HMCN2: variants seen among roughly 807,000 people sequenced by gnomAD.
The protein encoded by HMCN2 is hemicentin-2.
Under a neutral mutation model 377.5 loss-of-function variants are expected in HMCN2, and 325 were observed. The observed-to-expected ratio is 0.86, with a 90% confidence interval of 0.79 to 0.94. The LOEUF is 0.94. Ranked by LOEUF, HMCN2 falls within the 40% of genes least tolerant of loss-of-function variation. The probability of loss-of-function intolerance (pLI) is 0.00; values close to 1 mark genes in which losing one functional copy is unlikely to be tolerated. For synonymous variants in HMCN2, 2,007 were observed against 2,046.8 expected, an observed-to-expected ratio of 0.98 and a Z score of 0.53; for missense variants, 4,543 against 4,725.3, an observed-to-expected ratio of 0.96 and a Z score of 1.13.
chr9:130,306,695 C>T (rs1836878104), intron 12 of HMCN2, 116 bp from the exon 13 acceptor site: 1 of 387,172 alleles, frequency 2.6e-6, no homozygotes, highest in East Asian at 7.4e-5. Flanking sequence ...AGGCCTAGAG[C>T]AAGCCATCAG....
rs373254780 is a variant in HMCN2, at chr9:130,421,560, C to A, written c.13232-1017C>A. ...GCCTGCCGTGCCTGGGTTCCATTTC[C>A]TGTCCCCTTCCAAAGCTGCGCGGGT... On this transcript the variant is annotated intron_variant, in intron 86 of 97. Coordinates refer to ENST00000683500, the MANE Select transcript of HMCN2 (RefSeq NM_001291815.2). Among the ~76,000 whole-genome samples the A allele has an allele frequency of 3.0e-3, 462 of 152,282 alleles. 4 individuals carry two copies. The highest frequency in any genetic ancestry group is 0.011 in the African/African-American group (437 of 41,548).
At chr9:130,352,714 A>C (rs1588291008) in intron 30 of HMCN2, among the ~76,000 whole-genome samples, 8 of 144,622 alleles carry the variant, frequency 5.5e-5, no homozygotes, top group African/African-American at 1.0e-4. Flanking sequence ...CCCCGCCCCC[A>C]CCTCCTGCAC....
chr9:130,374,240 G>T, intron 48 of HMCN2, among the ~76,000 whole-genome samples: 1 of 152,126 alleles, frequency 6.6e-6, no homozygotes. Context: ...GTGGGTGGAT[G>T]AATGAATGGA....
intron 63 of HMCN2, 41 bp from the exon 64 acceptor site, chr9:130,391,163 C>T (rs763789871): frequency 8.7e-5 from 86 of 987,792 alleles, no homozygotes; most frequent in Non-Finnish European, 9.5e-5. Context: ...CCCATGGCAG[C>T]CCCTGCCATC....
intron 22 of HMCN2, among the ~76,000 whole-genome samples, chr9:130,336,587 C>T (rs1838758538): frequency 1.3e-5 from 2 of 152,180 alleles, no homozygotes; most frequent in Non-Finnish European, 2.9e-5. Flanking sequence ...CCAGGCAATC[C>T]AGCCCAGTGC....
rs953653841 is a variant in HMCN2 at position 130,361,680 on chromosome 9, C to A, written c.5951-328C>A. Among the ~76,000 whole-genome samples, 7 of 152,174 alleles carry A rather than the reference C, an allele frequency of 4.6e-5. No individual in the cohort carries two copies. Among genetic ancestry groups the A allele is most frequent in the African/African-American group, 1.7e-4 (7 of 41,430 alleles). ...TTAGGAAGTAGCACTGTCCAGGGAC[C>A]CTTGGTCCCCTCCCCATCCCCATAA... is the stretch of plus-strand genomic sequence containing the variant. On this transcript the variant is annotated intron_variant, in intron 38 of 97. Transcript: ENST00000683500. This position sits in a 1 kb window ranked among gnomAD's most constrained non-coding sequence, Gnocchi z 4.8.
At position 130,418,796 on chromosome 9, in the gene HMCN2, C is replaced by A; in HGVS notation, c.12986C>A (p.Pro4329His). The change falls in exon 86 of 98, where the codon CCC becomes CAC. Residue 4329 changes from proline to histidine, a missense_variant. Coordinates refer to ENST00000683500, the MANE Select transcript of HMCN2 (RefSeq NM_001291815.2). ...GGTGCTCCGGTGTTCCAGGTGGAGC[C>A]CCAGGACATGACAGTGAGATCTGGG... ...LQSAPVFQVE[P>H]QDMTVRSGDD... The A allele has an allele frequency of 6.8e-7, 1 of 1,467,842 alleles. No individual in the cohort carries two copies. The allele number at this position is 1,467,842 out of a possible 1,614,324, so 90.9% of individuals were successfully genotyped here. A position where few individuals can be genotyped will look rare whatever the true frequency, so the allele number is the denominator to read the frequency against.
At chr9:130,267,253 G>A (rs957901072) in intron 1 of HMCN2, among the ~76,000 whole-genome samples, 8 of 151,442 alleles carry the variant, frequency 5.3e-5, no homozygotes, top group Non-Finnish European at 1.2e-4. Context: ...CCTCCCCAGC[G>A]TTTTTTAATG....
At chr9:130,373,801 ATAGG>A (rs1443159498) in intron 48 of HMCN2, among the ~76,000 whole-genome samples, 1 of 149,180 alleles carries the variant, frequency 6.7e-6, no homozygotes, top group East Asian at 2.0e-4. Context: ...GGATAGATGG[ATAGG>A]TAGGTGGATG....
Position 130,370,860 on chromosome 9 carries a change from T to C in HMCN2, c.7070-104T>C, listed in dbSNP as rs574959784. The C allele has an allele frequency of 1.1e-5, 7 of 664,016 alleles. No homozygotes were observed. In the South Asian group the frequency reaches 4.7e-4, roughly 45 times the overall value. 41.1% of individuals were successfully genotyped at this position (664,016 alleles called of 1,614,324 possible). On this transcript the variant is annotated intron_variant, in intron 45 of 97. Transcript: ENST00000683500. ...CTCGTCACTTCTGCTCCTCAGACTC[T>C]CCCAATTGGGTGGAGTTGGGGGGCA...
At chr9:130,334,549 GTTTTT>G (rs1192246439) in intron 22 of HMCN2, among the ~76,000 whole-genome samples, 1,634 of 99,078 alleles carry the variant, frequency 0.016, 32 homozygotes, top group African/African-American at 0.055. Context: ...ACTTTTGGAA[GTTTTT>G]TTTTTTTTTT....
rs552907666 is a variant in HMCN2, at chr9:130,273,600, C to A, written c.259+7463C>A. ...GCAACCTCCGTCCCCCAGGCTCAAG[C>A]GATTCTCTCACCTCAGCCTCCTGAG... On this transcript the variant is annotated intron_variant, in intron 1 of 97. Transcript: ENST00000683500. Among the ~76,000 whole-genome samples the A allele has an allele frequency of 5.3e-5, 8 of 152,220 alleles. No homozygotes were observed. In the South Asian group the frequency reaches 1.7e-3, roughly 32 times the overall value.
At chr9:130,325,111 T>TG (rs2009851531) in intron 19 of HMCN2, among the ~76,000 whole-genome samples, 1 of 144,076 alleles carries the variant, frequency 6.9e-6, no homozygotes, top group Non-Finnish European at 1.5e-5. Context: ...TTTTTTTTTT[T>TG]GTAGACAAGA....
At chr9:130,318,059 C>A (rs1837660998) in intron 15 of HMCN2, among the ~76,000 whole-genome samples, 1 of 152,074 alleles carries the variant, frequency 6.6e-6, no homozygotes, top group African/African-American at 2.4e-5. Context: ...TTGTGTAGGG[C>A]GGGCCCAAGG....
At position 130,331,516 on chromosome 9, in the gene HMCN2, T is replaced by A. The variant is rs896711468; in HGVS notation, c.3359+4041T>A. On this transcript the variant is annotated intron_variant, in intron 22 of 97. Transcript: ENST00000683500. ...GCCTCGGAGACAGAAGACATGGGCT[T>A]GGGCTGTGTGTGAGGTCAGGTGGCA... 2.6e-5 allele frequency among the ~76,000 whole-genome samples: 4 copies of A among 151,632 alleles called. No homozygotes were observed. In the East Asian group the frequency reaches 7.7e-4, roughly 29 times the overall value.
rs182784351 is a variant in HMCN2 at position 130,398,009 on chromosome 9, C to T, written c.11326+354C>T. The stretch of plus-strand genomic sequence containing the variant: ...CAAAAAAAAAAATGTTTAAATTAGC[C>T]AAGCATGGTGGCACGTGCCTGTAGT... On this transcript the variant is annotated intron_variant, in intron 74 of 97. Coordinates refer to ENST00000683500, the MANE Select transcript of HMCN2 (RefSeq NM_001291815.2). Among the ~76,000 whole-genome samples, 386 of 151,194 alleles carry T rather than the reference C, an allele frequency of 2.6e-3. 3 individuals are homozygous for T. The highest frequency in any genetic ancestry group is 5.8e-3 in the Admixed American group (88 of 15,200).
intron 76 of HMCN2, chr9:130,400,241 G>A (rs1252574631): frequency 6.5e-6 from 1 of 152,870 alleles, no homozygotes; most frequent in Non-Finnish European, 1.5e-5. Context: ...TACTAGGCCA[G>A]GGTCTCTATA....
chr9:130,278,368 C>T (rs1478938512), intron 1 of HMCN2, among the ~76,000 whole-genome samples: 1 of 152,072 alleles, frequency 6.6e-6, no homozygotes, highest in East Asian at 1.9e-4. Context: ...TCGTGATCCG[C>T]CCGTCTCGGC....
chr9:130,396,585 A>G (rs1204503117), intron 73 of HMCN2, among the ~76,000 whole-genome samples: 2 of 152,114 alleles, frequency 1.3e-5, no homozygotes, highest in Non-Finnish European at 2.9e-5. Context: ...CTCTCTGTGT[A>G]GGCTTCATCT....
Sources: allele counts gnomAD v4.1 joint callset (sites outside exome capture counted in the v4.1 genomes callset), GRCh38; gene constraint gnomAD v4.1.1; non-coding constraint Gnocchi (gnomAD v3.1); transcripts MANE v1.5; gene names NCBI Gene and HGNC (gene_info 2026-07-23, HGNC 2026-07-21).